Variants in SAMD5 observed in about 807,000 individuals in gnomAD.
SAMD5 encodes sterile alpha motif domain-containing protein 5.
A neutral mutation model predicts 11.3 loss-of-function variants in SAMD5; 13 were observed. The observed-to-expected ratio is 1.15, with a 90% CI of 0.75 to 1.83. The LOEUF is 1.83. Among genes scored for constraint, SAMD5 ranks in the 40% most tolerant of loss-of-function variants. The probability of loss-of-function intolerance (pLI) is 0.00; values close to 1 mark genes in which losing one functional copy is unlikely to be tolerated. For synonymous variants in SAMD5, 129 were observed against 111.3 expected, an observed-to-expected ratio of 1.16 and a Z score of -1.00; for missense variants, 255 against 239.1, an observed-to-expected ratio of 1.07 and a Z score of -0.44.
In SAMD5 at chr6:147,560,181, T is replaced by G. The variant is rs528541892; in HGVS notation, c.460-4213T>G. On this transcript the variant is annotated intron_variant, in intron 1 of 1. Transcript: ENST00000367474. ...TATGAACAAATGTAAAATGTGGGGG[T>G]TTTGCCCTTGGAGAAATTTACAGTT... 3.2e-4 allele frequency among the ~76,000 whole-genome samples: 49 copies of G among 151,910 alleles called. No homozygotes were observed. The South Asian group carries it at 9.8e-3, about 30-fold the overall frequency.
At chr6:147,821,615 C>G in the SAMD5 span, among the ~76,000 whole-genome samples, 3 of 152,200 alleles carry the variant, frequency 2.0e-5, no homozygotes, top group Non-Finnish European at 4.4e-5. Context: ...AGTCTGTAAT[C>G]AGTTTGAGAT....
At chr6:147,719,691 AT>A (rs1342314311) in intron 1 of SAMD5, among the ~76,000 whole-genome samples, 1 of 152,218 alleles carries the variant, frequency 6.6e-6, no homozygotes, top group Non-Finnish European at 1.5e-5. Context: ...TACTCAGTAA[AT>A]CGTGGGAGAG....
chr6:147,669,278 A>G (rs1407009964), intron 1 of SAMD5, among the ~76,000 whole-genome samples: 1 of 152,142 alleles, frequency 6.6e-6, no homozygotes, highest in East Asian at 1.9e-4. Context: ...TGTCATTTCA[A>G]CAATGTTCAC....
intron 1 of SAMD5, among the ~76,000 whole-genome samples, chr6:147,647,079 A>G (rs1790416397): frequency 6.6e-6 from 1 of 151,970 alleles, no homozygotes; most frequent in African/African-American, 2.4e-5. Context: ...AGGCAGGAGA[A>G]TTGCTTGAAC....
chr6:147,833,651 G>A, the SAMD5 span, among the ~76,000 whole-genome samples: 1 of 152,018 alleles, frequency 6.6e-6, no homozygotes, highest in Non-Finnish European at 1.5e-5. Context: ...TTCCTTATTA[G>A]GCATATAAAA....
the SAMD5 span, among the ~76,000 whole-genome samples, chr6:147,851,980 T>C: frequency 6.6e-6 from 1 of 152,220 alleles, no homozygotes; most frequent in African/African-American, 2.4e-5. Context: ...ATATACGTTA[T>C]ACTCTTCAGG....
At chr6:147,807,096 TTTG>T in the SAMD5 span, among the ~76,000 whole-genome samples, 1 of 152,020 alleles carries the variant, frequency 6.6e-6, no homozygotes, top group African/African-American at 2.4e-5. Context: ...TTTGTTTTGT[TTTG>T]TTTTTTGTTT....
chr6:147,576,630 A>G, intron 1 of SAMD5, among the ~76,000 whole-genome samples: 1 of 152,332 alleles, frequency 6.6e-6, no homozygotes, highest in Non-Finnish European at 1.5e-5. Context: ...CAAGTTATGT[A>G]CAAGTTTCAT....
intron 1 of SAMD5, among the ~76,000 whole-genome samples, chr6:147,697,249 C>G (rs1026210379): frequency 6.6e-6 from 1 of 152,178 alleles, no homozygotes; most frequent in Non-Finnish European, 1.5e-5. Flanking sequence ...GATGGGAGCT[C>G]AGTCTCAAAT....
the SAMD5 span, among the ~76,000 whole-genome samples, chr6:147,796,637 A>G: frequency 6.6e-6 from 1 of 152,164 alleles, no homozygotes; most frequent in Non-Finnish European, 1.5e-5. Flanking sequence ...GATGGCATTG[A>G]ATCTATAAAT....
intron 1 of SAMD5, chr6:147,676,098 T>G (rs1284046012): frequency 6.6e-6 from 1 of 152,150 alleles, no homozygotes; most frequent in Non-Finnish European, 1.5e-5. Flanking sequence ...ATGTTACCCC[T>G]GAGAAAAGTC....
chr6:147,602,364 AG>A (rs572857108), intron 1 of SAMD5, among the ~76,000 whole-genome samples: 21 of 152,220 alleles, frequency 1.4e-4, no homozygotes, highest in Non-Finnish European at 1.8e-4. Flanking sequence ...CTATAGGGAT[AG>A]TATATAGGGA....
At chr6:147,751,323 T>C in the SAMD5 span, among the ~76,000 whole-genome samples, 1 of 152,184 alleles carries the variant, frequency 6.6e-6, no homozygotes, top group Admixed American at 6.6e-5. Context: ...ATAGTTTATT[T>C]ATGTGTAGTG....
At chr6:147,739,051 C>A (rs1247690995), downstream of SAMD5, among the ~76,000 whole-genome samples, 1 of 152,088 alleles carries the variant, frequency 6.6e-6, no homozygotes, top group African/African-American at 2.4e-5. Flanking sequence ...GTGGTTTCCT[C>A]GGGAGATCAC....
At chr6:147,829,153 T>C in the SAMD5 span, among the ~76,000 whole-genome samples, 1 of 152,234 alleles carries the variant, frequency 6.6e-6, no homozygotes, top group Non-Finnish European at 1.5e-5. Flanking sequence ...ACATAGGAAG[T>C]AGTTTGCTAA....
the SAMD5 span, among the ~76,000 whole-genome samples, chr6:147,790,527 G>T: frequency 1.3e-5 from 2 of 152,120 alleles, no homozygotes; most frequent in African/African-American, 4.8e-5. Flanking sequence ...AGTTGACAAG[G>T]GGTGACTTGT....
chr6:147,563,801 C>T (rs1220768610), intron 1 of SAMD5, among the ~76,000 whole-genome samples: 2 of 152,222 alleles, frequency 1.3e-5, no homozygotes, highest in Non-Finnish European at 2.9e-5. Context: ...CTTAATTAAC[C>T]TCTTTCCAGC....
chr6:147,781,663 G>A, the SAMD5 span, among the ~76,000 whole-genome samples: 1 of 151,866 alleles, frequency 6.6e-6, no homozygotes, highest in South Asian at 2.1e-4. Context: ...AATAACAGAA[G>A]CACCCTCACA....
the SAMD5 span, among the ~76,000 whole-genome samples, chr6:147,807,134 C>T: frequency 6.6e-6 from 1 of 152,116 alleles, no homozygotes; most frequent in South Asian, 2.1e-4. Context: ...GAGTCTTGCT[C>T]TGTCACCCAG....
Sources: allele counts gnomAD v4.1 joint callset (sites outside exome capture counted in the v4.1 genomes callset), GRCh38; gene constraint gnomAD v4.1.1; transcripts MANE v1.5; gene names NCBI Gene and HGNC (gene_info 2026-07-23, HGNC 2026-07-21).